ADAMTS2: variants seen among roughly 807,000 people sequenced by gnomAD.
ADAMTS2 encodes ADAM metallopeptidase with thrombospondin type 1 motif 2.
A neutral mutation model predicts 123.0 loss-of-function variants in ADAMTS2; 50 were observed. The observed-to-expected ratio is 0.41, with a 90% CI of 0.32 to 0.51. ADAMTS2 has a LOEUF of 0.51. Among genes scored for constraint, ADAMTS2 ranks in the 20% least tolerant of loss-of-function variants. The pLI is 0.35. For synonymous variants in ADAMTS2, 678 were observed against 695.4 expected, an observed-to-expected ratio of 0.98 and a Z score of 0.39; for missense variants, 1,494 against 1,705.2, an observed-to-expected ratio of 0.88 and a Z score of 2.18.
chr5:179,291,544 T>C (rs1756190536), intron 2 of ADAMTS2, among the ~76,000 whole-genome samples: 2 of 152,144 alleles, frequency 1.3e-5, no homozygotes, highest in South Asian at 4.1e-4. Context: ...ATGGAATGCC[T>C]GTCACAACTG....
intron 11 of ADAMTS2, among the ~76,000 whole-genome samples, chr5:179,138,465 G>A (rs548551738): frequency 1.3e-5 from 2 of 152,320 alleles, no homozygotes; most frequent in African/African-American, 2.4e-5. Context: ...GACGCATCAC[G>A]GCCGCTGGGT....
At chr5:179,194,578 G>A (rs780294789) in intron 4 of ADAMTS2, among the ~76,000 whole-genome samples, 19 of 152,246 alleles carry the variant, frequency 1.2e-4, no homozygotes, top group Non-Finnish European at 1.6e-4. Flanking sequence ...GAGAACCCGC[G>A]GAGCATGCTA....
At chr5:179,223,437 C>T (rs952546772) in intron 3 of ADAMTS2, among the ~76,000 whole-genome samples, 47 of 150,226 alleles carry the variant, frequency 3.1e-4, no homozygotes, top group African/African-American at 9.2e-4. Context: ...CTCACACGAA[C>T]GCACTCACAC....
chr5:179,279,651 C>T (rs1342397552), intron 2 of ADAMTS2, among the ~76,000 whole-genome samples: 2 of 152,244 alleles, frequency 1.3e-5, no homozygotes, highest in Non-Finnish European at 2.9e-5. Context: ...ACCTTGGGAG[C>T]TTTCAGGGAA....
chr5:179,153,468 C>T (rs746467581), intron 9 of ADAMTS2, 23 bp downstream of exon 9: 13 of 1,605,020 alleles, frequency 8.1e-6, no homozygotes, highest in East Asian at 2.2e-5. Context: ...GGGAGGGTCC[C>T]GGCTGCAGGG....
At chr5:179,255,376 C>T (rs143227284) in intron 3 of ADAMTS2, among the ~76,000 whole-genome samples, 25 of 152,290 alleles carry the variant, frequency 1.6e-4, no homozygotes, top group African/African-American at 5.5e-4. Context: ...GCCATTTATA[C>T]ACATTTTTGG....
At chr5:179,293,919 G>A (rs1308741905) in intron 2 of ADAMTS2, among the ~76,000 whole-genome samples, 2 of 152,122 alleles carry the variant, frequency 1.3e-5, no homozygotes, top group East Asian at 3.9e-4. Context: ...ACCGCACCTG[G>A]CCAAGGTTTT....
intron 2 of ADAMTS2, among the ~76,000 whole-genome samples, chr5:179,320,474 A>ATTTTTTTTTTTTTTTTTTTT (rs10565392): frequency 7.0e-6 from 1 of 142,476 alleles, no homozygotes. Context: ...CGCCTGGCTA[A>ATTTTTTTTTTTTTTTTTTTT]TTTTTTTTTT....
In ADAMTS2 at chr5:179,234,046, C is replaced by G. The variant is rs1765472653; in HGVS notation, c.689-26331G>C. Among the ~76,000 whole-genome samples the G allele has an allele frequency of 6.6e-6, 1 of 152,214 alleles. No individual in the cohort carries two copies. Among genetic ancestry groups the G allele is most frequent in the East Asian group, 1.9e-4 (1 of 5,198 alleles). ...GACCCTCCTGTGTCCAGGACCCCGACTGCCAGGCCCTTCCACAGCCCGACT... is the reference window on the plus strand; with the variant it reads ...GACCCTCCTGTGTCCAGGACCCCGAGTGCCAGGCCCTTCCACAGCCCGACT... On this transcript the variant is annotated intron_variant, in intron 3 of 21. Transcript: ENST00000251582. This position sits in a 1 kb window ranked among gnomAD's most constrained non-coding sequence, Gnocchi z 4.7.
rs374555645 is a variant in ADAMTS2 at position 179,130,125 on chromosome 5, G to A, written c.2291-27C>T. ...TGAGAATGGCAAGACCAAGTCCCCCGTTGTGGTCACCCAAGAGCAGGACCC... is the reference window on the plus strand; with the variant it reads ...TGAGAATGGCAAGACCAAGTCCCCCATTGTGGTCACCCAAGAGCAGGACCC... On this transcript the variant is annotated intron_variant, in intron 15 of 21. Transcript: ENST00000251582. This position sits in a 1 kb window ranked among gnomAD's most constrained non-coding sequence, Gnocchi z 4.3. The A allele has an allele frequency of 2.2e-5, 36 of 1,613,554 alleles. No individual in the cohort carries two copies. The highest frequency in any genetic ancestry group is 3.0e-5 in the Non-Finnish European group (35 of 1,179,980).
chr5:179,192,301 G>A (rs944645302), intron 4 of ADAMTS2, among the ~76,000 whole-genome samples: 1 of 152,244 alleles, frequency 6.6e-6, no homozygotes, highest in Non-Finnish European at 1.5e-5. Flanking sequence ...CTCACGGCAA[G>A]GGTCGTCTGC....
intron 3 of ADAMTS2, among the ~76,000 whole-genome samples, chr5:179,246,110 T>C (rs1348410646): frequency 6.6e-6 from 1 of 152,214 alleles, no homozygotes; most frequent in Non-Finnish European, 1.5e-5. Flanking sequence ...GGTGTTTTAA[T>C]TTACTTGCTT....
chr5:179,264,722 C>A (rs184645464), intron 3 of ADAMTS2, among the ~76,000 whole-genome samples: 1 of 152,218 alleles, frequency 6.6e-6, no homozygotes, highest in Non-Finnish European at 1.5e-5. Flanking sequence ...TCGCAGTGAG[C>A]ACTGGGCAGG....
chr5:179,194,885 G>C (rs1393841427), intron 4 of ADAMTS2, among the ~76,000 whole-genome samples: 1 of 152,160 alleles, frequency 6.6e-6, no homozygotes, highest in African/African-American at 2.4e-5. Context: ...CCTCCTAAGA[G>C]AGAGGAGTCT....
chr5:179,130,008 T>A lies in ADAMTS2; in HGVS notation c.2381A>T (p.Glu794Val), dbSNP rs1209098906. 6.2e-7 allele frequency: 1 copy of A among 1,614,070 alleles called. No individual in the cohort carries two copies. The highest frequency in any genetic ancestry group is 1.1e-5 in the South Asian group (1 of 91,078). Residue 794 changes from glutamate to valine, a missense_variant, in exon 16 of 22, where the codon GAG becomes GTG. Around this residue, in one of 6 missense-constraint regions of ADAMTS2, gnomAD observed 953 missense variants for 1,124.7 expected, o/e 0.85. Transcript: ENST00000251582. The surrounding 1 kb of genome is among the most constrained non-coding windows in gnomAD (Gnocchi z 4.3). ...SSKTFIAMGVEWEYRDEDGRE... is the reference protein window; with the variant it reads ...SSKTFIAMGVVWEYRDEDGRE... ...GCCGTCCTCGTCTCTGTACTCCCAC[T>A]CCACGCCCATGGCAATGAAGGTTTT...
chr5:179,311,482 C>T (rs1300698028), intron 2 of ADAMTS2, among the ~76,000 whole-genome samples: 1 of 152,244 alleles, frequency 6.6e-6, no homozygotes, highest in Non-Finnish European at 1.5e-5. Context: ...CTGACAGGGA[C>T]TCTCCTGCTT....
At chr5:179,336,831 C>G (rs1757626977) in intron 2 of ADAMTS2, among the ~76,000 whole-genome samples, 1 of 152,226 alleles carries the variant, frequency 6.6e-6, no homozygotes, top group South Asian at 2.1e-4. Context: ...CCCGCAACAG[C>G]CTCCAGCCCA....
intron 2 of ADAMTS2, among the ~76,000 whole-genome samples, chr5:179,281,397 A>G (rs1766900849): frequency 6.6e-6 from 1 of 152,184 alleles, no homozygotes; most frequent in Admixed American, 6.5e-5. Context: ...TTCTGTCTCT[A>G]TGAATTGGCC....
intron 15 of ADAMTS2, among the ~76,000 whole-genome samples, chr5:179,131,354 A>G (rs1185218062): frequency 2.0e-5 from 3 of 151,804 alleles, no homozygotes; most frequent in Middle Eastern, 3.4e-3. Context: ...AATGAGTATC[A>G]AGAGAGTGAG....
Sources: allele counts gnomAD v4.1 joint callset (sites outside exome capture counted in the v4.1 genomes callset), GRCh38; gene constraint gnomAD v4.1.1; regional missense constraint gnomAD v4.1.1; non-coding constraint Gnocchi (gnomAD v3.1); transcripts MANE v1.5; gene names NCBI Gene and HGNC (gene_info 2026-07-23, HGNC 2026-07-21).